The following MARCHF1 variants were observed in gnomAD, a reference collection of about 807,000 sequenced individuals.
MARCHF1 encodes E3 ubiquitin-protein ligase MARCHF1.
Under a neutral mutation model 54.2 loss-of-function variants are expected in MARCHF1, and 40 were observed. The ratio of observed to expected loss-of-function variants is 0.74; its 90% CI spans 0.57 to 0.96. The LOEUF (loss-of-function observed/expected upper bound fraction) is 0.96, where lower values mean the gene tolerates loss of function less well. Among genes scored for constraint, MARCHF1 ranks in the 40% least tolerant of loss-of-function variants. MARCHF1 has a pLI of 0.00. For synonymous variants in MARCHF1, 236 were observed against 236.3 expected (o/e 1.00, Z 0.01); for missense variants, 586 against 656.5 (o/e 0.89, Z 1.17).
At chr4:164,302,975 C>T (rs575284903) in intron 1 of MARCHF1, among the ~76,000 whole-genome samples, 1 of 150,458 alleles carries the variant, frequency 6.6e-6, no homozygotes, top group East Asian at 2.0e-4. Flanking sequence ...GACATAATTA[C>T]AAGTATATTT....
chr4:163,735,849 A>G (rs1746019822), intron 4 of MARCHF1, among the ~76,000 whole-genome samples: 1 of 152,058 alleles, frequency 6.6e-6, no homozygotes, highest in African/African-American at 2.4e-5. Flanking sequence ...TTAGGATTGG[A>G]GTCTTAAACT....
chr4:164,062,585 C>T (rs538571736), intron 2 of MARCHF1, among the ~76,000 whole-genome samples: 157 of 152,152 alleles, frequency 1.0e-3, no homozygotes, highest in African/African-American at 1.9e-3. Context: ...AGTGCAGTGG[C>T]GCGATCTCGG....
intron 4 of MARCHF1, among the ~76,000 whole-genome samples, chr4:163,765,913 A>T (rs983880565): frequency 2.7e-4 from 40 of 147,726 alleles, no homozygotes; most frequent in African/African-American, 9.8e-4. Flanking sequence ...TATATATAAT[A>T]TATAATTATA....
At chr4:164,166,344 G>C (rs1404294334) in intron 1 of MARCHF1, among the ~76,000 whole-genome samples, 2 of 151,874 alleles carry the variant, frequency 1.3e-5, no homozygotes, top group Admixed American at 6.6e-5. Context: ...CTAGTTAAAG[G>C]CTTTTCATTA....
intron 2 of MARCHF1, among the ~76,000 whole-genome samples, chr4:163,998,619 C>T (rs1252933081): frequency 6.6e-6 from 1 of 151,594 alleles, no homozygotes; most frequent in Non-Finnish European, 1.5e-5. Context: ...ATTTTATATC[C>T]TTTGACCAAC....
chr4:163,669,888 G>A (rs1490165128), intron 5 of MARCHF1, among the ~76,000 whole-genome samples: 8 of 151,508 alleles, frequency 5.3e-5, no homozygotes, highest in Non-Finnish European at 1.0e-4. Flanking sequence ...GTGAGCCACC[G>A]CTCCCGGCCT....
chr4:164,104,297 G>A (rs1237197443), intron 2 of MARCHF1, among the ~76,000 whole-genome samples: 2 of 112,974 alleles, frequency 1.8e-5, no homozygotes, highest in Admixed American at 1.9e-4. Context: ...CCAAAGCCGG[G>A]CAGAGACACA....
At chr4:164,206,354 T>C (rs2111103908) in intron 1 of MARCHF1, among the ~76,000 whole-genome samples, 1 of 152,272 alleles carries the variant, frequency 6.6e-6, no homozygotes, top group African/African-American at 2.4e-5. Context: ...GGAGAATCTC[T>C]TGAACCCAGG....
chr4:163,926,569 T>C (rs907788423), intron 3 of MARCHF1, among the ~76,000 whole-genome samples: 13 of 151,640 alleles, frequency 8.6e-5, no homozygotes, highest in Non-Finnish European at 1.6e-4. Context: ...TTCTCCAAAA[T>C]GGTTTTATCA....
intron 4 of MARCHF1, among the ~76,000 whole-genome samples, chr4:163,799,649 G>A (rs1748022637): frequency 6.6e-6 from 1 of 152,000 alleles, no homozygotes; most frequent in African/African-American, 2.4e-5. Context: ...TCTTTATAGG[G>A]CTTAAAAATA....
chr4:163,636,447 AACAACAG>A, intron 5 of MARCHF1, among the ~76,000 whole-genome samples: 1 of 146,656 alleles, frequency 6.8e-6, no homozygotes, highest in East Asian at 2.0e-4. Context: ...CCTATACACC[AACAACAG>A]ACAAACAGAG....
chr4:164,160,378 C>A (rs28742110), intron 1 of MARCHF1, among the ~76,000 whole-genome samples: 1 of 151,912 alleles, frequency 6.6e-6, no homozygotes, highest in African/African-American at 2.4e-5. Flanking sequence ...ACAATGGTCT[C>A]TGTGTATTTA....
chr4:163,624,874 C>CT (rs1456158219), intron 5 of MARCHF1, among the ~76,000 whole-genome samples: 2 of 152,172 alleles, frequency 1.3e-5, no homozygotes, highest in African/African-American at 2.4e-5. Context: ...AACTTTTCTT[C>CT]TTTTTTATCT....
At chr4:163,961,790 C>A (rs1253341544) in intron 3 of MARCHF1, among the ~76,000 whole-genome samples, 1 of 151,850 alleles carries the variant, frequency 6.6e-6, no homozygotes, top group Admixed American at 6.6e-5. Context: ...CACAGTGGGA[C>A]TAAAGGCACT....
intron 4 of MARCHF1, among the ~76,000 whole-genome samples, chr4:163,799,950 C>A (rs1031621835): frequency 9.9e-5 from 15 of 152,200 alleles, no homozygotes; most frequent in Middle Eastern, 6.8e-3. Context: ...GAATAGTATG[C>A]AGCCATAAAA....
At chr4:164,218,290 G>A (rs541851492) in intron 1 of MARCHF1, among the ~76,000 whole-genome samples, 14 of 152,178 alleles carry the variant, frequency 9.2e-5, no homozygotes, top group South Asian at 2.1e-4. Context: ...GAATTGTAGC[G>A]TTGAGTATTG....
At chr4:163,930,478 GT>G (rs34173667) in intron 3 of MARCHF1, among the ~76,000 whole-genome samples, 4,314 of 134,490 alleles carry the variant, frequency 0.032, 192 homozygotes, top group Admixed American at 0.14. Context: ...TGAAAATGGT[GT>G]TTTTTTTTTT....
At chr4:163,706,544 A>T (rs1296172982) in intron 4 of MARCHF1, among the ~76,000 whole-genome samples, 2 of 152,090 alleles carry the variant, frequency 1.3e-5, no homozygotes, top group African/African-American at 4.8e-5. Context: ...TAACAAGGAC[A>T]TGAAATTTTA....
At position 163,541,638 on chromosome 4, in the gene MARCHF1, C is replaced by T. The variant is rs3797017; in HGVS notation, c.1339+3958G>A. Among the ~76,000 whole-genome samples the T allele has an allele frequency of 3.6e-4, 54 of 152,098 alleles. No individual in the cohort carries two copies. In the East Asian group the frequency reaches 0.01, roughly 28 times the overall value. On this transcript the variant is annotated intron_variant, in intron 9 of 9. Coordinates refer to ENST00000514618, the MANE Select transcript of MARCHF1 (RefSeq NM_001394959.1). ...ACATATGAGGAATTTTTTTTCTCTC[C>T]AGGATCATCATTACAGTTCAAAAGA...
Sources: allele counts gnomAD v4.1 joint callset (sites outside exome capture counted in the v4.1 genomes callset), GRCh38; gene constraint gnomAD v4.1.1; transcripts MANE v1.5; gene names NCBI Gene and HGNC (gene_info 2026-07-23, HGNC 2026-07-21).